L3MBTL4: variants seen among roughly 807,000 people sequenced by gnomAD.
The protein encoded by L3MBTL4 is L3MBTL histone methyl-lysine binding protein 4.
In L3MBTL4, 70 loss-of-function variants were observed where a neutral mutation model predicts 84.5. The ratio of observed to expected loss-of-function variants is 0.83; its 90% CI spans 0.68 to 1.01. The LOEUF (loss-of-function observed/expected upper bound fraction) is 1.01. Among genes scored for constraint, L3MBTL4 ranks in the 50% least tolerant of loss-of-function variants. L3MBTL4 has a pLI of 0.00. For synonymous variants in L3MBTL4, 274 were observed against 259.8 expected (o/e 1.05, Z -0.52); for missense variants, 715 against 754.8 (o/e 0.95, Z 0.62).
intron 4 of L3MBTL4, among the ~76,000 whole-genome samples, chr18:6,292,234 G>A (rs1232500276): frequency 1.3e-5 from 2 of 152,056 alleles, no homozygotes; most frequent in South Asian, 2.1e-4. Context: ...TTTCTCCCAT[G>A]GTCTTCAGGT....
chr18:6,113,063 T>C (rs531586272), intron 14 of L3MBTL4, among the ~76,000 whole-genome samples: 1 of 152,306 alleles, frequency 6.6e-6, no homozygotes, highest in South Asian at 2.1e-4. Flanking sequence ...ACAGAGCCCA[T>C]ATCATCTGTC....
intron 14 of L3MBTL4, among the ~76,000 whole-genome samples, chr18:6,129,828 G>A (rs1229440557): frequency 2.6e-5 from 4 of 152,128 alleles, no homozygotes; most frequent in Non-Finnish European, 4.4e-5. Context: ...GTTTTGAAAA[G>A]TGCTTTTAGG....
intron 14 of L3MBTL4, among the ~76,000 whole-genome samples, chr18:6,123,250 G>A (rs1373836106): frequency 6.6e-6 from 1 of 152,176 alleles, no homozygotes; most frequent in African/African-American, 2.4e-5. Flanking sequence ...AAAAAGTCAT[G>A]TCCAGGCAGT....
At chr18:6,202,904 T>A (rs1249085790) in intron 12 of L3MBTL4, among the ~76,000 whole-genome samples, 1 of 152,164 alleles carries the variant, frequency 6.6e-6, no homozygotes, top group East Asian at 1.9e-4. Flanking sequence ...ATACAATTTT[T>A]AAAGTTATTG....
intron 13 of L3MBTL4, among the ~76,000 whole-genome samples, chr18:6,151,927 C>A (rs1038730217): frequency 6.6e-6 from 1 of 152,172 alleles, no homozygotes; most frequent in Non-Finnish European, 1.5e-5. Flanking sequence ...TCATTCTGCT[C>A]TCCACTTCTA....
At chr18:6,207,094 G>C (rs2045907520) in intron 12 of L3MBTL4, among the ~76,000 whole-genome samples, 1 of 152,180 alleles carries the variant, frequency 6.6e-6, no homozygotes. Flanking sequence ...TGGCTGGGGA[G>C]AAAGTCAAGA....
At chr18:6,245,113 C>G (rs2146171899) in intron 5 of L3MBTL4, among the ~76,000 whole-genome samples, 1 of 152,204 alleles carries the variant, frequency 6.6e-6, no homozygotes, top group African/African-American at 2.4e-5. Flanking sequence ...CTTGGCTAGG[C>G]TGGTCTTGAA....
At chr18:6,404,569 A>G (rs1030326458) in intron 1 of L3MBTL4, among the ~76,000 whole-genome samples, 21 of 152,332 alleles carry the variant, frequency 1.4e-4, no homozygotes, top group African/African-American at 4.3e-4. Flanking sequence ...CTGTGCTTTT[A>G]TTTAACTATG....
intron 16 of L3MBTL4, among the ~76,000 whole-genome samples, chr18:6,028,918 GT>G (rs1273257814): frequency 2.0e-5 from 3 of 152,128 alleles, no homozygotes; most frequent in African/African-American, 7.2e-5. Flanking sequence ...AAGATTATCA[GT>G]TTTCAGATAA....
intron 10 of L3MBTL4, among the ~76,000 whole-genome samples, chr18:6,222,963 A>G (rs1178536400): frequency 1.3e-5 from 2 of 148,220 alleles, no homozygotes; most frequent in Middle Eastern, 3.5e-3. Flanking sequence ...AATATAATAT[A>G]ATATAATATA....
At chr18:6,335,517 A>T (rs1599682918) in intron 1 of L3MBTL4, among the ~76,000 whole-genome samples, 1 of 152,224 alleles carries the variant, frequency 6.6e-6, no homozygotes, top group African/African-American at 2.4e-5. Context: ...CTTTGCTGTA[A>T]TGATATGCAT....
At chr18:6,356,321 G>A (rs1343561364) in intron 1 of L3MBTL4, among the ~76,000 whole-genome samples, 1 of 152,222 alleles carries the variant, frequency 6.6e-6, no homozygotes, top group African/African-American at 2.4e-5. Flanking sequence ...ACATAACAGA[G>A]TTACGGCATT....
chr18:5,974,182 G>A (rs747764796), intron 16 of L3MBTL4, among the ~76,000 whole-genome samples: 2 of 152,018 alleles, frequency 1.3e-5, no homozygotes, highest in African/African-American at 4.8e-5. Flanking sequence ...GGATTTTATG[G>A]CCTTTAAAAA....
At chr18:6,176,945 C>A (rs1174004014) in intron 12 of L3MBTL4, among the ~76,000 whole-genome samples, 1 of 152,192 alleles carries the variant, frequency 6.6e-6, no homozygotes, top group African/African-American at 2.4e-5. Context: ...CTACCGCATA[C>A]CCACTCGAGT....
At position 6,241,388 on chromosome 18, in the gene L3MBTL4, A is replaced by C; in HGVS notation, c.522T>G (p.Ala174=). Residue 174 remains alanine, a synonymous_variant, in exon 8 of 19, where the codon GCT becomes GCG. Coordinates refer to ENST00000317931, the MANE Select transcript of L3MBTL4 (RefSeq NM_001330559.2). ...TTCTGTTTCTGAATAATTTCTTTGG[A>C]GCATTTTGCAATTTGCAGGCCTTCA... ...DYLKACKLQN[A]PKKLFRNRSP... The C allele has an allele frequency of 6.2e-7, 1 of 1,603,448 alleles. No homozygotes were observed. The highest frequency in any genetic ancestry group is 8.5e-7 in the Non-Finnish European group (1 of 1,173,580).
At chr18:6,400,716 AT>A (rs2144644070) in intron 1 of L3MBTL4, among the ~76,000 whole-genome samples, 1 of 152,256 alleles carries the variant, frequency 6.6e-6, no homozygotes, top group South Asian at 2.1e-4. Context: ...CCGGCACAGG[AT>A]TTTGTAAACT....
In L3MBTL4 at chr18:5,962,185, G is replaced by A. The variant is rs138483217; in HGVS notation, c.1615-2029C>T. On this transcript the variant is annotated intron_variant, in intron 17 of 18. Transcript: ENST00000317931. ...AAACATGCTAACACCCTTGAGAGAGGTAGGAAGGCTATGGGTGTTAGGAAG... is the reference window on the plus strand; with the variant it reads ...AAACATGCTAACACCCTTGAGAGAGATAGGAAGGCTATGGGTGTTAGGAAG... Among the ~76,000 whole-genome samples, 593 of 152,264 alleles carry A rather than the reference G, an allele frequency of 3.9e-3. 4 individuals carry two copies. Among genetic ancestry groups the A allele is most frequent in the African/African-American group, 0.014 (568 of 41,550 alleles).
At chr18:6,225,632 C>A (rs1257311704) in intron 10 of L3MBTL4, among the ~76,000 whole-genome samples, 2 of 151,746 alleles carry the variant, frequency 1.3e-5, no homozygotes, top group Non-Finnish European at 2.9e-5. Context: ...TGGTCGTACA[C>A]ACCTGTAGTC....
intron 4 of L3MBTL4, among the ~76,000 whole-genome samples, chr18:6,264,863 G>A (rs986497424): frequency 1.3e-5 from 2 of 152,190 alleles, no homozygotes; most frequent in Non-Finnish European, 2.9e-5. Flanking sequence ...CAGTAGACAC[G>A]CCCAAGGGGC....
Sources: allele counts gnomAD v4.1 joint callset (sites outside exome capture counted in the v4.1 genomes callset), GRCh38; gene constraint gnomAD v4.1.1; transcripts MANE v1.5; gene names NCBI Gene and HGNC (gene_info 2026-07-23, HGNC 2026-07-21).